The following CHRM2 variants were observed in gnomAD, a reference collection of about 807,000 sequenced individuals.
CHRM2 encodes the protein cholinergic receptor muscarinic 2.
A neutral mutation model predicts 25.0 loss-of-function variants in CHRM2; 8 were observed. The observed-to-expected ratio is 0.32, with a 90% CI of 0.19 to 0.58. CHRM2 has a LOEUF of 0.58. CHRM2 is among the 20% of genes least tolerant of loss of function. The probability of loss-of-function intolerance (pLI) is 0.88; values close to 1 mark genes in which losing one functional copy is unlikely to be tolerated. For synonymous variants in CHRM2, 202 were observed against 205.7 expected (o/e 0.98, Z 0.15); for missense variants, 440 against 567.1 (o/e 0.78, Z 2.28).
At chr7:136,944,283 C>G (rs891709612) in intron 2 of CHRM2, among the ~76,000 whole-genome samples, 7 of 151,844 alleles carry the variant, frequency 4.6e-5, no homozygotes, top group Non-Finnish European at 1.0e-4. Flanking sequence ...TTGTATTATT[C>G]TTCTGCCTTT....
At chr7:136,953,731 T>C (rs1169691249) in intron 2 of CHRM2, among the ~76,000 whole-genome samples, 1 of 71,498 alleles carries the variant, frequency 1.4e-5, no homozygotes, top group East Asian at 2.8e-4. Flanking sequence ...TAAAATTTAA[T>C]GAAAAAAAAA....
intron 2 of CHRM2, among the ~76,000 whole-genome samples, chr7:136,989,265 A>G (rs945032836): frequency 1.3e-5 from 2 of 152,088 alleles, no homozygotes; most frequent in Admixed American, 6.6e-5. Flanking sequence ...TTTCTTTCAT[A>G]TATCTCCTTT....
chr7:136,902,842 ATGTT>A (rs1296003883), intron 2 of CHRM2: 3 of 283,238 alleles, frequency 1.1e-5, no homozygotes, highest in African/African-American at 4.6e-5. Context: ...ACAATTTAAT[ATGTT>A]TGTTATACAG....
chr7:136,878,348 A>T (rs1796129383), intron 2 of CHRM2, among the ~76,000 whole-genome samples: 1 of 151,964 alleles, frequency 6.6e-6, no homozygotes, highest in African/African-American at 2.4e-5. Context: ...TAAATAATAA[A>T]GACTTTATTT....
chr7:136,965,896 A>T (rs1801385234), intron 2 of CHRM2, among the ~76,000 whole-genome samples: 1 of 152,156 alleles, frequency 6.6e-6, no homozygotes, highest in South Asian at 2.1e-4. Context: ...TGATGTGTTG[A>T]CAAAAAAAAA....
chr7:136,906,641 T>C (rs1333633490), intron 2 of CHRM2, among the ~76,000 whole-genome samples: 2 of 151,862 alleles, frequency 1.3e-5, no homozygotes, highest in African/African-American at 4.8e-5. Flanking sequence ...TTAATACTAG[T>C]TTTGTTTTAA....
chr7:136,975,150 T>C (rs992476148), intron 2 of CHRM2, among the ~76,000 whole-genome samples: 4 of 152,170 alleles, frequency 2.6e-5, no homozygotes, highest in African/African-American at 4.8e-5. Flanking sequence ...GATGACTCTT[T>C]GCAGAAAGTG....
chr7:136,897,292 G>T (rs2130593633), intron 2 of CHRM2, among the ~76,000 whole-genome samples: 1 of 152,176 alleles, frequency 6.6e-6, no homozygotes, highest in Non-Finnish European at 1.5e-5. Context: ...ATCAGGGTAA[G>T]CTATTGGAGA....
Position 137,015,269 on chromosome 7 carries a change from G to A in CHRM2, c.404G>A (p.Arg135Gln), listed in dbSNP as rs1446523872. The change falls in exon 4 of 4, where the codon CGG becomes CAG. Residue 135 changes from arginine (R) to glutamine (Q), a missense_variant. Arg to Gln is a conservative substitution (Grantham distance 43, BLOSUM62 1). Around this residue, in one of 5 missense-constraint regions of CHRM2, gnomAD observed 27 missense variants for 55.5 expected, o/e 0.49. Coordinates refer to ENST00000680005, the MANE Select transcript of CHRM2 (RefSeq NM_001006630.2). The surrounding 1 kb of genome is among the most constrained non-coding windows in gnomAD (Gnocchi z 5.1). Reference sequence around the variant, plus strand: ...AAACCTCTGACCTACCCAGTCAAGCGGACCACAAAAATGGCAGGTATGATG... The same window carrying A: ...AAACCTCTGACCTACCCAGTCAAGCAGACCACAAAAATGGCAGGTATGATG... ...VTKPLTYPVK[R>Q]TTKMAGMMIA... 3.1e-6 allele frequency: 5 copies of A among 1,613,292 alleles called. No homozygotes were observed. The highest frequency in any genetic ancestry group is 1.7e-6 in the Non-Finnish European group (2 of 1,179,648).
At chr7:137,014,374 A>G (rs1278338478) in intron 3 of CHRM2, among the ~76,000 whole-genome samples, 1 of 152,002 alleles carries the variant, frequency 6.6e-6, no homozygotes, top group African/African-American at 2.4e-5. Flanking sequence ...CACATTCAAT[A>G]TTATACATTC....
chr7:136,894,726 AT>A (rs1796825569), intron 2 of CHRM2, among the ~76,000 whole-genome samples: 1 of 152,206 alleles, frequency 6.6e-6, no homozygotes, highest in South Asian at 2.1e-4. Context: ...TCAGAAAAAA[AT>A]GTTCTTAATG....
chr7:136,921,790 C>CTTTTTTTTTTTTTTTTTT lies in CHRM2; in HGVS notation c.-125+52375_-125+52376insTTTTTTTTTTTTTTTTTT, dbSNP rs201063228. Reference sequence around the variant, plus strand: ...ATTTTCTTTCTTTCTTTCTTTCTTTCTTTCTTTTTTTTGAGACAGATTCTC... The same window carrying CTTTTTTTTTTTTTTTTTT: ...ATTTTCTTTCTTTCTTTCTTTCTTTCTTTTTTTTTTTTTTTTTTTTTCTTTTTTTTGAGACAGATTCTC... On this transcript the variant is annotated intron_variant, in intron 2 of 3. Transcript: ENST00000680005. 4.4e-5 allele frequency among the ~76,000 whole-genome samples: 5 copies of CTTTTTTTTTTTTTTTTTT among 114,086 alleles called. No homozygotes were observed. The East Asian group carries it at 6.1e-4, about 14-fold the overall frequency. The allele number at this position is 114,086 out of a possible 152,430, so 74.8% of individuals were successfully genotyped here.
intron 2 of CHRM2, among the ~76,000 whole-genome samples, chr7:136,988,134 T>C (rs1802981156): frequency 6.6e-6 from 1 of 151,484 alleles, no homozygotes; most frequent in Non-Finnish European, 1.5e-5. Flanking sequence ...TGTATCATTT[T>C]CCAGGGAAGG....
chr7:136,929,035 C>T (rs979157894), intron 2 of CHRM2, among the ~76,000 whole-genome samples: 2 of 152,126 alleles, frequency 1.3e-5, no homozygotes, highest in African/African-American at 4.8e-5. Flanking sequence ...TTCCATTCCC[C>T]TCCTCTTAGG....
At chr7:136,997,054 C>G (rs543596441) in intron 3 of CHRM2, among the ~76,000 whole-genome samples, 1 of 152,276 alleles carries the variant, frequency 6.6e-6, no homozygotes, top group East Asian at 1.9e-4. Flanking sequence ...TGATTCTCCC[C>G]CTCCAAGGAC....
At chr7:136,988,579 T>C (rs908341052) in intron 2 of CHRM2, among the ~76,000 whole-genome samples, 2 of 152,168 alleles carry the variant, frequency 1.3e-5, no homozygotes, top group African/African-American at 2.4e-5. Context: ...TGCACTGGGA[T>C]CCAATGGTAC....
chr7:136,988,438 CTA>C (rs1802999660), intron 2 of CHRM2, among the ~76,000 whole-genome samples: 1 of 152,008 alleles, frequency 6.6e-6, no homozygotes, highest in African/African-American at 2.4e-5. Context: ...ATCTGCTGGC[CTA>C]TATGTTATGT....
At position 136,942,155 on chromosome 7, in the gene CHRM2, G is replaced by A. The variant is rs549111555; in HGVS notation, c.-124-50032G>A. ...CAGTATAGGCCTTTGCACATTAACA[G>A]AGTAGGATAAAGACATGAAAAATGC... On this transcript the variant is annotated intron_variant, in intron 2 of 3. Transcript: ENST00000680005. 2.5e-4 allele frequency among the ~76,000 whole-genome samples: 38 copies of A among 152,244 alleles called. No homozygotes were observed. The South Asian group carries it at 6.6e-3, about 27-fold the overall frequency.
At chr7:136,952,807 T>G (rs1221620530) in intron 2 of CHRM2, among the ~76,000 whole-genome samples, 1 of 152,126 alleles carries the variant, frequency 6.6e-6, no homozygotes, top group Non-Finnish European at 1.5e-5. Context: ...CACTTATGAG[T>G]AAGAACATAA....
Sources: allele counts gnomAD v4.1 joint callset (sites outside exome capture counted in the v4.1 genomes callset), GRCh38; gene constraint gnomAD v4.1.1; regional missense constraint gnomAD v4.1.1; non-coding constraint Gnocchi (gnomAD v3.1); transcripts MANE v1.5; gene names NCBI Gene and HGNC (gene_info 2026-07-23, HGNC 2026-07-21).